Variants in USH2A observed in about 807,000 individuals in gnomAD.
The protein encoded by USH2A is usherin, also known as Usher syndrome 2A (autosomal recessive, mild).
A neutral mutation model predicts 538.9 loss-of-function variants in USH2A; 443 were observed. The ratio of observed to expected loss-of-function variants is 0.82; its 90% CI spans 0.76 to 0.89. The LOEUF is 0.89. Ranked by LOEUF, USH2A falls within the 40% of genes least tolerant of loss-of-function variation. The pLI, the probability that USH2A is intolerant of heterozygous loss-of-function variation, is 0.00. For missense variants in USH2A, 6,633 were observed against 6,324.8 expected, an observed-to-expected ratio of 1.05 and a Z score of -1.65; for synonymous variants, 2,413 against 2,273.5, an observed-to-expected ratio of 1.06 and a Z score of -1.75.
At chr1:215,981,337 C>A (rs574158892) in intron 35 of USH2A, among the ~76,000 whole-genome samples, 1 of 152,080 alleles carries the variant, frequency 6.6e-6, no homozygotes, top group South Asian at 2.1e-4. Flanking sequence ...TTCTAAATAT[C>A]ATCTCTCTTA....
chr1:216,025,722 A>T (rs28721451), intron 32 of USH2A, among the ~76,000 whole-genome samples: 1 of 152,078 alleles, frequency 6.6e-6, no homozygotes, highest in Non-Finnish European at 1.5e-5. Context: ...TTTATATTTT[A>T]AAAACCATGC....
chr1:216,398,147 C>T (rs1385845467), intron 3 of USH2A, among the ~76,000 whole-genome samples: 1 of 152,178 alleles, frequency 6.6e-6, no homozygotes, highest in Non-Finnish European at 1.5e-5. Flanking sequence ...AAATGGTAGA[C>T]AAAGTCCTTT....
At chr1:216,295,305 G>A (rs146241095) in intron 9 of USH2A, among the ~76,000 whole-genome samples, 88 of 151,728 alleles carry the variant, frequency 5.8e-4, no homozygotes, top group Middle Eastern at 3.4e-3. Flanking sequence ...TAGGCTAATT[G>A]GAGTCTGTGC....
At chr1:215,980,235 T>C (rs1440363352) in intron 35 of USH2A, among the ~76,000 whole-genome samples, 1 of 152,094 alleles carries the variant, frequency 6.6e-6, no homozygotes, top group African/African-American at 2.4e-5. Context: ...GAAAAACTCT[T>C]GATAGTGGAA....
intron 47 of USH2A, among the ~76,000 whole-genome samples, chr1:215,825,763 A>G (rs966855156): frequency 3.9e-5 from 6 of 152,198 alleles, no homozygotes; most frequent in African/African-American, 1.4e-4. Flanking sequence ...CACTTTTAAC[A>G]AAGATGAAAT....
intron 49 of USH2A, among the ~76,000 whole-genome samples, chr1:215,805,166 G>T (rs1192747208): frequency 6.6e-6 from 1 of 152,088 alleles, no homozygotes; most frequent in Non-Finnish European, 1.5e-5. Flanking sequence ...GATAGGATTA[G>T]GAGATATACC....
intron 65 of USH2A, among the ~76,000 whole-genome samples, chr1:215,650,344 A>G (rs1657013707): frequency 6.6e-6 from 1 of 152,140 alleles, no homozygotes; most frequent in South Asian, 2.1e-4. Flanking sequence ...TTAGTTTCTT[A>G]CGTTTGTGGA....
chr1:215,715,370 G>T (rs1857226), intron 61 of USH2A, among the ~76,000 whole-genome samples: 118,543 of 152,164 alleles, frequency 0.78, 46,405 homozygotes, highest in East Asian at 1. Context: ...AAAGGTCAAC[G>T]TCTATCATTT....
At chr1:216,308,977 A>G (rs1342058863) in intron 9 of USH2A, among the ~76,000 whole-genome samples, 1 of 152,226 alleles carries the variant, frequency 6.6e-6, no homozygotes, top group African/African-American at 2.4e-5. Context: ...GAACCTCTGT[A>G]TACAACTAGA....
intron 9 of USH2A, among the ~76,000 whole-genome samples, chr1:216,302,965 T>C (rs530649797): frequency 1.3e-5 from 2 of 152,194 alleles, no homozygotes; most frequent in South Asian, 2.1e-4. Context: ...AGTAATTATG[T>C]CTAGTGGTTG....
chr1:216,059,356 A>C (rs1434390898), intron 30 of USH2A, among the ~76,000 whole-genome samples: 1 of 152,166 alleles, frequency 6.6e-6, no homozygotes. Context: ...GTATGCCTCT[A>C]ACTCTTCAGA....
intron 15 of USH2A, among the ~76,000 whole-genome samples, chr1:216,213,160 T>C (rs1201809750): frequency 6.6e-6 from 1 of 152,120 alleles, no homozygotes; most frequent in East Asian, 1.9e-4. Flanking sequence ...ATTGCTGGCT[T>C]ATAGAAACAC....
At chr1:216,094,878 C>T (rs2032401690) in intron 22 of USH2A, among the ~76,000 whole-genome samples, 1 of 151,966 alleles carries the variant, frequency 6.6e-6, no homozygotes, top group African/African-American at 2.4e-5. Context: ...AGATTCCTCA[C>T]CTGTAAAATG....
chr1:215,665,576 C>A (rs1002951900), intron 64 of USH2A, among the ~76,000 whole-genome samples: 33 of 152,176 alleles, frequency 2.2e-4, no homozygotes, highest in African/African-American at 8.0e-4. Context: ...CCTCAGCTCA[C>A]TCCCCAAAGG....
chr1:215,784,646 GT>G (rs1449592614), intron 52 of USH2A, among the ~76,000 whole-genome samples: 3 of 152,174 alleles, frequency 2.0e-5, no homozygotes, highest in African/African-American at 7.2e-5. Flanking sequence ...GCTTTCAAGT[GT>G]AAGTTTCTAA....
At position 215,693,090 on chromosome 1, in the gene USH2A, A is replaced by G. The variant is rs868741839; in HGVS notation, c.12067-12714T>C. ...TTTTTGTGTGTGTATATATATATAT[A>G]TATGTGTGTGTGTGTGTGTGTATGT... On this transcript the variant is annotated intron_variant, in intron 61 of 71. Transcript: ENST00000307340. Among the ~76,000 whole-genome samples, 229 of 52,654 alleles carry G rather than the reference A, an allele frequency of 4.3e-3. 2 individuals are homozygous for G. The highest frequency in any genetic ancestry group is 0.015 in the Admixed American group (67 of 4,612). 34.5% of individuals were successfully genotyped at this position (52,654 alleles called of 152,430 possible). A position where few individuals can be genotyped will look rare whatever the true frequency, so the allele number is the denominator to read the frequency against.
chr1:216,256,042 T>C (rs1410215281), intron 11 of USH2A, among the ~76,000 whole-genome samples: 1 of 152,142 alleles, frequency 6.6e-6, no homozygotes, highest in African/African-American at 2.4e-5. Flanking sequence ...TTTCTCATAT[T>C]AATAAAGTCA....
chr1:215,653,384 A>T (rs1461939316), intron 64 of USH2A, among the ~76,000 whole-genome samples: 4 of 152,224 alleles, frequency 2.6e-5, no homozygotes, highest in African/African-American at 7.2e-5. Flanking sequence ...GGAGTCCTTC[A>T]TAATACATTA....
At chr1:215,870,208 C>A (rs779911064) in intron 43 of USH2A, among the ~76,000 whole-genome samples, 2 of 151,968 alleles carry the variant, frequency 1.3e-5, no homozygotes, top group Non-Finnish European at 2.9e-5. Flanking sequence ...TCATTTGAGG[C>A]CGTACATTTG....
Sources: allele counts gnomAD v4.1 joint callset (sites outside exome capture counted in the v4.1 genomes callset), GRCh38; gene constraint gnomAD v4.1.1; transcripts MANE v1.5; gene names NCBI Gene and HGNC (gene_info 2026-07-23, HGNC 2026-07-21).